Variants in PDXK observed in about 807,000 individuals in gnomAD.
PDXK encodes the protein pyridoxal kinase, also known as epididymis secretory sperm binding protein Li 1a.
Under a neutral mutation model 43.2 loss-of-function variants are expected in PDXK, and 15 were observed. The observed-to-expected ratio is 0.35, with a 90% CI of 0.23 to 0.53. PDXK has a LOEUF of 0.53. Ranked by LOEUF, PDXK falls within the 20% of genes least tolerant of loss-of-function variation. The pLI, the probability that PDXK is intolerant of heterozygous loss-of-function variation, is 0.92. For missense variants in PDXK, 343 were observed against 417.0 expected (o/e 0.82, Z 1.54); for synonymous variants, 172 against 165.4 (o/e 1.04, Z -0.31).
chr21:43,751,554 A>AAAAAC (rs921854601), intron 7 of PDXK, among the ~76,000 whole-genome samples: 38 of 152,330 alleles, frequency 2.5e-4, no homozygotes, highest in East Asian at 3.9e-4. Flanking sequence ...CTCCATCTCA[A>AAAAAC]AAAACAAAAC....
chr21:43,747,413 G>A (rs894567637), intron 5 of PDXK, among the ~76,000 whole-genome samples: 4 of 152,372 alleles, frequency 2.6e-5, no homozygotes, highest in South Asian at 2.1e-4. Flanking sequence ...TGAGCACAGC[G>A]GGCTTCTCCA....
Position 43,755,456 on chromosome 21 carries a change from G to A in PDXK, c.760-242G>A, listed in dbSNP as rs1010812175. 1.4e-5 allele frequency: 8 copies of A among 558,740 alleles called. No individual in the cohort carries two copies. The African/African-American group carries it at 1.5e-4, about 11-fold the overall frequency. The allele number at this position is 558,740 out of a possible 1,614,324, so 34.6% of individuals were successfully genotyped here. On this transcript the variant is annotated intron_variant, in intron 9 of 10. Coordinates refer to ENST00000291565, the MANE Select transcript of PDXK (RefSeq NM_003681.5). The stretch of plus-strand genomic sequence containing the variant: ...GGTCACGAGGCTGTCCCTTCTGTGA[G>A]CCATCTCTTGTCCAGAGCAGGTAGC...
chr21:43,719,421 C>T (rs1282149127), intron 1 of PDXK, 40 bp downstream of exon 1: 13 of 1,488,238 alleles, frequency 8.7e-6, no homozygotes, highest in Non-Finnish European at 1.2e-5. Flanking sequence ...GTAACCCGAG[C>T]CCGTGACCTT....
At chr21:43,741,045 G>A (rs1338195520) in intron 2 of PDXK, 2 of 146,076 alleles carry the variant, frequency 1.4e-5, no homozygotes, top group Admixed American at 6.8e-5. Context: ...GAGCTGGTGT[G>A]TCTCTCCCCA....
chr21:43,737,981 A>G lies in PDXK; in HGVS notation c.143-3686A>G. On this transcript the variant is annotated intron_variant, in intron 2 of 10. Coordinates refer to ENST00000291565, the MANE Select transcript of PDXK (RefSeq NM_003681.5). The surrounding 1 kb of genome is among the most constrained non-coding windows in gnomAD (Gnocchi z 4.8). ...GTGCAAGACCATGCCCTCTGTTTCG[A>G]TAGGAAGCTGGGCCTCAGAGGGGCC... is the stretch of plus-strand genomic sequence containing the variant. 1.0e-6 allele frequency: 1 copy of G among 985,266 alleles called. No homozygotes were observed. Among genetic ancestry groups the G allele is most frequent in the Non-Finnish European group, 1.2e-6 (1 of 829,918 alleles). The allele number at this position is 985,266 out of a possible 1,614,324, so 61.0% of individuals were successfully genotyped here. A position where few individuals can be genotyped will look rare whatever the true frequency, so the allele number is the denominator to read the frequency against.
At chr21:43,755,521 G>T in intron 9 of PDXK, 177 bp from the exon 10 acceptor site, 1 of 630,086 alleles carries the variant, frequency 1.6e-6, no homozygotes, top group South Asian at 1.8e-5. Flanking sequence ...GCTCTCCGTG[G>T]TGGGCAGTCC....
At position 43,735,978 on chromosome 21, in the gene PDXK, G is replaced by A. The variant is rs752870586; in HGVS notation, c.142+1855G>A. Among the ~76,000 whole-genome samples, 7 of 152,162 alleles carry A rather than the reference G, an allele frequency of 4.6e-5. No individual in the cohort carries two copies. The highest frequency in any genetic ancestry group is 8.8e-5 in the Non-Finnish European group (6 of 68,018). On this transcript the variant is annotated intron_variant, in intron 2 of 10. Coordinates refer to ENST00000291565, the MANE Select transcript of PDXK (RefSeq NM_003681.5). The surrounding 1 kb of genome is among the most constrained non-coding windows in gnomAD (Gnocchi z 5.3). Reference sequence around the variant, plus strand: ...GCCACGGGAGCTGGTGGTCAAGACGGGGGACTCGGCCTCCTCCGTGCAGCC... The same window carrying A: ...GCCACGGGAGCTGGTGGTCAAGACGAGGGACTCGGCCTCCTCCGTGCAGCC...
At chr21:43,755,019 GC>G (rs2083821647) in intron 9 of PDXK, among the ~76,000 whole-genome samples, 1 of 152,180 alleles carries the variant, frequency 6.6e-6, no homozygotes, top group Non-Finnish European at 1.5e-5. Context: ...AAGTAAGCCT[GC>G]CGTGTTTAAT....
rs1253814100 is a variant in PDXK, at chr21:43,734,707, G to A, written c.142+584G>A. Among the ~76,000 whole-genome samples the A allele has an allele frequency of 1.3e-5, 2 of 152,120 alleles. No homozygotes were observed. Among genetic ancestry groups the A allele is most frequent in the African/African-American group, 2.4e-5 (1 of 41,418 alleles). ...CTGGCTCAGGGGACTGAGGGTGGCC[G>A]GCCTCAGAAGCCCCTCACAGGCCAT... On this transcript the variant is annotated intron_variant, in intron 2 of 10. Transcript: ENST00000291565. The surrounding 1 kb of genome is among the most constrained non-coding windows in gnomAD (Gnocchi z 5.0).
intron 1 of PDXK, chr21:43,721,775 C>T (rs764017006): frequency 6.6e-6 from 1 of 152,370 alleles, no homozygotes; most frequent in African/African-American, 2.4e-5. Flanking sequence ...ACTGGACCAT[C>T]TGCACGTCTG....
chr21:43,745,419 CA>C (rs112185301), intron 4 of PDXK, among the ~76,000 whole-genome samples: 19,794 of 99,748 alleles, frequency 0.2, 1,566 homozygotes, highest in Middle Eastern at 0.32. Context: ...GACTCCATCT[CA>C]AAAAAAAAAA....
Position 43,755,889 on chromosome 21 carries a change from G to T in PDXK, c.827-62G>T. Reference sequence around the variant, plus strand: ...TCTCCTGCTGACCTCACCTCTGGGAGTGGGGGCAACAGCGGGAGCCCCTCT... The same window carrying T: ...TCTCCTGCTGACCTCACCTCTGGGATTGGGGGCAACAGCGGGAGCCCCTCT... On this transcript the variant is annotated intron_variant, in intron 10 of 10. Coordinates refer to ENST00000291565, the MANE Select transcript of PDXK (RefSeq NM_003681.5). The T allele has an allele frequency of 2.7e-6, 4 of 1,456,562 alleles. No individual in the cohort carries two copies. In the South Asian group the frequency reaches 4.6e-5, roughly 17 times the overall value. 90.2% of individuals were successfully genotyped at this position (1,456,562 alleles called of 1,614,324 possible).
chr21:43,750,782 G>GT (rs1171350055), intron 7 of PDXK, among the ~76,000 whole-genome samples: 30 of 65,574 alleles, frequency 4.6e-4, no homozygotes, highest in Middle Eastern at 8.3e-3. Flanking sequence ...TATTGTGTGT[G>GT]GGTGTGTGTG....
At chr21:43,748,448 T>A (rs1197586331) in intron 5 of PDXK, 2 of 152,536 alleles carry the variant, frequency 1.3e-5, no homozygotes, top group African/African-American at 4.8e-5. Context: ...GACCACGCCA[T>A]TGCACTCCAA....
rs377592729 is a variant in PDXK at position 43,748,998 on chromosome 21, G to A, written c.382G>A (p.Val128Ile). Residue 128 changes from valine to isoleucine, a missense_variant, in exon 6 of 11, where the codon GTC becomes ATC. Physicochemically the swap from Val to Ile is conservative, Grantham distance 29. Coordinates refer to ENST00000291565, the MANE Select transcript of PDXK (RefSeq NM_003681.5). The part of the protein sequence containing the change: ...DKWDGEGSMY[V>I]PEDLLPVYKE... ...TCCTGTCTCCTTTGTTGGCCAGTACGTCCCGGAGGACCTCCTTCCCGTCTA... is the reference window on the plus strand; with the variant it reads ...TCCTGTCTCCTTTGTTGGCCAGTACATCCCGGAGGACCTCCTTCCCGTCTA... 11 of 1,603,290 alleles carry A rather than the reference G, an allele frequency of 6.9e-6. 2 individuals carry two copies. The highest frequency in any genetic ancestry group is 4.0e-5 in the African/African-American group (3 of 74,696).
intron 1 of PDXK, 83 bp downstream of exon 1, chr21:43,719,464 C>T (rs1346598426): frequency 2.5e-5 from 34 of 1,382,558 alleles, no homozygotes; most frequent in Non-Finnish European, 3.1e-5. Context: ...CTCAGTTCCC[C>T]GAGGGAGGCT....
At chr21:43,750,885 T>C (rs1321773688) in intron 7 of PDXK, among the ~76,000 whole-genome samples, 3 of 151,366 alleles carry the variant, frequency 2.0e-5, no homozygotes, top group Non-Finnish European at 4.4e-5. Flanking sequence ...TGTGTGTCCA[T>C]GGGCGTGTGG....
intron 1 of PDXK, chr21:43,733,659 C>A: frequency 9.4e-7 from 1 of 1,060,534 alleles, no homozygotes. Flanking sequence ...CCCACATTTT[C>A]ACAGCAGAGA....
chr21:43,729,152 G>C, intron 1 of PDXK: 1 of 344,086 alleles, frequency 2.9e-6, no homozygotes, highest in South Asian at 1.2e-4. Context: ...CTTGGCGCTT[G>C]TTTACGGAGT....
Sources: gnomAD v4.1 joint callset for allele counts (sites outside exome capture counted in the v4.1 genomes callset) on GRCh38, gnomAD v4.1.1 for gene constraint, Gnocchi (gnomAD v3.1) non-coding constraint, MANE v1.5 for transcripts, NCBI Gene and HGNC (gene_info 2026-07-23, HGNC 2026-07-21) for gene names.